VPS36: variants seen among roughly 807,000 people sequenced by gnomAD.
The protein encoded by VPS36 is vacuolar protein sorting 36 homolog, also known as vacuolar protein-sorting-associated protein 36.
Under a neutral mutation model 63.5 loss-of-function variants are expected in VPS36, and 31 were observed. That is an observed-to-expected ratio of 0.49 (90% confidence interval 0.37 to 0.66). The LOEUF (loss-of-function observed/expected upper bound fraction) is 0.66. Among genes scored for constraint, VPS36 ranks in the 30% least tolerant of loss-of-function variants. VPS36 has a pLI of 0.00. For missense variants in VPS36, 338 were observed against 463.7 expected, an observed-to-expected ratio of 0.73 and a Z score of 2.49; for synonymous variants, 138 against 157.2, an observed-to-expected ratio of 0.88 and a Z score of 0.91.
chr13:52,422,048 A>G (rs35794740), intron 10 of VPS36, among the ~76,000 whole-genome samples: 12,183 of 152,078 alleles, frequency 0.08, 694 homozygotes, highest in African/African-American at 0.16. Context: ...TCTGCTATTG[A>G]ACATTCGAAT....
chr13:52,415,689 T>C lies in VPS36; in HGVS notation c.*141A>G. The C allele has an allele frequency of 1.2e-6, 1 of 828,114 alleles. No individual in the cohort carries two copies. The highest frequency in any genetic ancestry group is 1.9e-6 in the Non-Finnish European group (1 of 512,964). The allele number at this position is 828,114 out of a possible 1,614,324, so 51.3% of individuals were successfully genotyped here. On this transcript the variant is annotated 3_prime_UTR_variant, in exon 14 of 14. Coordinates refer to ENST00000378060, the MANE Select transcript of VPS36 (RefSeq NM_016075.4). ...AATAAATTTCCTGGACCATATTTAG[T>C]GAGAAATTAAAAGAGATTTACATTG... is the stretch of plus-strand genomic sequence containing the variant.
intron 10 of VPS36, among the ~76,000 whole-genome samples, chr13:52,418,639 T>C (rs1958017320): frequency 1.4e-5 from 2 of 146,138 alleles, no homozygotes; most frequent in South Asian, 4.3e-4. Context: ...TTTTAATGCA[T>C]ATATTTTAAG....
intron 1 of VPS36, chr13:52,449,900 T>C: frequency 1.0e-6 from 1 of 984,926 alleles, no homozygotes; most frequent in Non-Finnish European, 1.2e-6. Flanking sequence ...CAATAGCCTT[T>C]GGCAAGGGCA....
Position 52,416,010 on chromosome 13 carries a change from T to C in VPS36, c.1067+7A>G. 6.2e-7 allele frequency: 1 copy of C among 1,613,976 alleles called. No individual in the cohort carries two copies. Among genetic ancestry groups the C allele is most frequent in the Non-Finnish European group, 8.5e-7 (1 of 1,179,966 alleles). ...ACATTGTAATGAAAGGTAAGAACCT[T>C]ACTTACCTTTCTTTGGCTAGGAGGA... On this transcript the variant is annotated splice_region_variant and intron_variant, in intron 13 of 13. Transcript: ENST00000378060.
chr13:52,426,102 C>T (rs887967708), intron 8 of VPS36, 36 bp from the exon 9 acceptor site: 6 of 1,603,400 alleles, frequency 3.7e-6, no homozygotes, highest in Admixed American at 1.7e-5. Flanking sequence ...GAATTAGTCT[C>T]TCCACCTCAA....
chr13:52,427,362 C>T (rs541209582), intron 6 of VPS36, 143 bp from the exon 7 acceptor site: 43 of 758,574 alleles, frequency 5.7e-5, no homozygotes, highest in Middle Eastern at 7.4e-4. Flanking sequence ...TCCCAGCACT[C>T]TGGGAGGCCG....
In VPS36 at chr13:52,443,572, T is replaced by C. The variant is rs116001566; in HGVS notation, c.97-1127A>G. Among the ~76,000 whole-genome samples the C allele has an allele frequency of 7.4e-3, 1,121 of 152,312 alleles. 6 individuals are homozygous for C. The highest frequency in any genetic ancestry group is 0.017 in the African/African-American group (699 of 41,564). On this transcript the variant is annotated intron_variant, in intron 1 of 13. Coordinates refer to ENST00000378060, the MANE Select transcript of VPS36 (RefSeq NM_016075.4). ...ACCAAATCTGCCAGCACCTTGATCT[T>C]AGACTTCCCAGTCTCCAGAACTATG...
chr13:52,446,190 C>G (rs552917048), intron 1 of VPS36, among the ~76,000 whole-genome samples: 45 of 151,018 alleles, frequency 3.0e-4, no homozygotes, highest in Non-Finnish European at 5.6e-4. Flanking sequence ...CGCTTGAACC[C>G]GGGAAGCAGA....
intron 10 of VPS36, among the ~76,000 whole-genome samples, chr13:52,421,771 G>T (rs941525131): frequency 6.6e-6 from 1 of 151,930 alleles, no homozygotes; most frequent in Non-Finnish European, 1.5e-5. Flanking sequence ...TATTCTGCCC[G>T]CCTCAGCCTC....
intron 6 of VPS36, among the ~76,000 whole-genome samples, chr13:52,427,575 C>G (rs1035627958): frequency 1.3e-5 from 2 of 151,336 alleles, no homozygotes; most frequent in Non-Finnish European, 1.5e-5. Flanking sequence ...CCACTGCGCT[C>G]CAGCCTGGGC....
intron 9 of VPS36, among the ~76,000 whole-genome samples, chr13:52,425,439 T>G (rs867060971): frequency 2.0e-5 from 3 of 152,162 alleles, no homozygotes; most frequent in Non-Finnish European, 4.4e-5. Context: ...AAAATAATTT[T>G]GAGTGGAGGT....
chr13:52,434,301 T>A (rs1432212825), intron 5 of VPS36, among the ~76,000 whole-genome samples: 1 of 152,206 alleles, frequency 6.6e-6, no homozygotes, highest in East Asian at 1.9e-4. Context: ...AAGCAGTCAT[T>A]TATGTTTACT....
At chr13:52,446,704 AAAT>A (rs1401939052) in intron 1 of VPS36, among the ~76,000 whole-genome samples, 3 of 152,296 alleles carry the variant, frequency 2.0e-5, no homozygotes, top group Non-Finnish European at 2.9e-5. Flanking sequence ...AAAGAAAATG[AAAT>A]AATAACTCAT....
chr13:52,427,606 C>CAA (rs761470811), intron 6 of VPS36, among the ~76,000 whole-genome samples: 3 of 106,934 alleles, frequency 2.8e-5, no homozygotes, highest in Admixed American at 9.9e-5. Flanking sequence ...GATTCTGTCT[C>CAA]AAAAAAAAAA....
In VPS36 at chr13:52,423,576, C is replaced by A; in HGVS notation, c.838G>T (p.Glu280Ter). The change falls in exon 10 of 14, where the codon GAA becomes TAA. Residue 280 changes from glutamate to a stop codon, truncating the protein, a stop_gained and splice_region_variant. Transcript: ENST00000378060. LOFTEE classifies it high-confidence loss of function. ...GTATTTAAATTTTCTATCCTTACTT[C>A]CATTCCTCGAGCTCGGTTTACTAAG... ...YCLVNRARGMELLSPEDLVNA... is the reference protein window; with the variant it reads ...YCLVNRARGM 6.2e-7 allele frequency: 1 copy of A among 1,611,634 alleles called. No homozygotes were observed. Among genetic ancestry groups the A allele is most frequent in the Non-Finnish European group, 8.5e-7 (1 of 1,178,586 alleles).
rs2137763909 is a variant in VPS36 at position 52,413,755 on chromosome 13, T to G, written c.*2075A>C. On this transcript the variant is annotated 3_prime_UTR_variant, in exon 14 of 14. Coordinates refer to ENST00000378060, the MANE Select transcript of VPS36 (RefSeq NM_016075.4). ...AACTTTTTTGCACTTAGGGCCTGAT[T>G]GGTTGTATTTAAACATAACTTCTAC... 1 of 152,576 alleles carries G rather than the reference T, an allele frequency of 6.6e-6. No homozygotes were observed. Among genetic ancestry groups the G allele is most frequent in the East Asian group, 1.9e-4 (1 of 5,188 alleles). 9.5% of individuals were successfully genotyped at this position (152,576 alleles called of 1,614,324 possible).
chr13:52,428,780 T>C (rs1958128162), intron 6 of VPS36, among the ~76,000 whole-genome samples: 1 of 152,168 alleles, frequency 6.6e-6, no homozygotes. Flanking sequence ...GATAACACTT[T>C]TAAATTGTAT....
intron 2 of VPS36, among the ~76,000 whole-genome samples, chr13:52,439,594 C>T (rs931100137): frequency 8.6e-5 from 13 of 151,918 alleles, no homozygotes; most frequent in South Asian, 2.1e-4. Context: ...TACAGGTGCC[C>T]GCCACCACGT....
At chr13:52,422,085 C>A (rs1443970286) in intron 10 of VPS36, among the ~76,000 whole-genome samples, 5 of 152,266 alleles carry the variant, frequency 3.3e-5, no homozygotes, top group African/African-American at 1.2e-4. Flanking sequence ...TATGTTTGTA[C>A]CTATTAACCA....
Sources: allele counts gnomAD v4.1 joint callset (sites outside exome capture counted in the v4.1 genomes callset), GRCh38; gene constraint gnomAD v4.1.1; transcripts MANE v1.5; gene names NCBI Gene and HGNC (gene_info 2026-07-23, HGNC 2026-07-21).